The following PITPNM2 variants were observed in gnomAD, a reference collection of about 807,000 sequenced individuals.
PITPNM2 encodes the protein phosphatidylinositol transfer protein membrane associated 2.
In PITPNM2, 35 loss-of-function variants were observed where a neutral mutation model predicts 132.2. The observed-to-expected ratio is 0.26, with a 90% CI of 0.20 to 0.35. The LOEUF is 0.35. Ranked by LOEUF, PITPNM2 falls within the 10% of genes least tolerant of loss-of-function variation. PITPNM2 has a pLI of 1.00. For missense variants in PITPNM2, 1,332 were observed against 1,912.0 expected, an observed-to-expected ratio of 0.70 and a Z score of 5.66; for synonymous variants, 738 against 799.2, an observed-to-expected ratio of 0.92 and a Z score of 1.29.
Position 123,004,628 on chromosome 12 carries a change from C to T in PITPNM2, c.953-139G>A, listed in dbSNP as rs929137454. On this transcript the variant is annotated intron_variant, in intron 7 of 25. Transcript: ENST00000320201. The surrounding 1 kb of genome is among the most constrained non-coding windows in gnomAD (Gnocchi z 4.9). ...GCTGCCACAGGAGCCAGGAAGGTTC[C>T]GAAGAGAATGAAGTGTGTAAATGAG... 7.9e-6 allele frequency: 6 copies of T among 761,298 alleles called. No homozygotes were observed. The highest frequency in any genetic ancestry group is 1.4e-5 in the Non-Finnish European group (6 of 441,908). The allele number at this position is 761,298 out of a possible 1,614,324, so 47.2% of individuals were successfully genotyped here.
In PITPNM2 at chr12:123,099,183, G is replaced by A. The variant is rs906996594; in HGVS notation, c.-96+11202C>T. Among the ~76,000 whole-genome samples, 1 of 151,984 alleles carries A rather than the reference G, an allele frequency of 6.6e-6. No homozygotes were observed. Among genetic ancestry groups the A allele is most frequent in the Non-Finnish European group, 1.5e-5 (1 of 68,000 alleles). On this transcript the variant is annotated intron_variant, in intron 2 of 25. Transcript: ENST00000320201. The surrounding 1 kb of genome is among the most constrained non-coding windows in gnomAD (Gnocchi z 4.2). ...GGCACAGCAAGCACCTGCCAGATAA[G>A]GGAGGCAACTGATTCCCTCCTTCAC...
chr12:123,032,724 T>C (rs2040136863), intron 3 of PITPNM2, among the ~76,000 whole-genome samples: 1 of 152,100 alleles, frequency 6.6e-6, no homozygotes, highest in South Asian at 2.1e-4. Flanking sequence ...ATCAGCCTGG[T>C]CCTTGAACAC....
intron 2 of PITPNM2, chr12:123,089,995 T>C (rs558541326): frequency 1.3e-5 from 2 of 152,360 alleles, no homozygotes; most frequent in East Asian, 3.9e-4. Context: ...GTATTATTCT[T>C]GGAGTTATCT....
At chr12:123,129,538 C>G (rs2043217941) in intron 1 of PITPNM2, among the ~76,000 whole-genome samples, 1 of 151,994 alleles carries the variant, frequency 6.6e-6, no homozygotes, top group South Asian at 2.1e-4. Flanking sequence ...CCACTGCACT[C>G]CAGCCTGGGC....
intron 2 of PITPNM2, among the ~76,000 whole-genome samples, chr12:123,073,288 A>C (rs2041669775): frequency 1.3e-5 from 2 of 152,178 alleles, no homozygotes; most frequent in African/African-American, 4.8e-5. Flanking sequence ...TACACTACCC[A>C]AAAGCAGCAA....
intron 8 of PITPNM2, among the ~76,000 whole-genome samples, chr12:123,001,765 T>G (rs1488009952): frequency 6.6e-6 from 1 of 151,880 alleles, no homozygotes; most frequent in African/African-American, 2.4e-5. Flanking sequence ...GCATGGTGGC[T>G]CATGCCTGTA....
rs1477971233 is a variant in PITPNM2 at position 122,993,693 on chromosome 12, G to C, written c.2234-1024C>G. Reference sequence around the variant, plus strand: ...TGTCCCTAAGTCTCCATGCACCTGTGTGGGACTCTGTGGGGCTGTTCAGAG... The same window carrying C: ...TGTCCCTAAGTCTCCATGCACCTGTCTGGGACTCTGTGGGGCTGTTCAGAG... On this transcript the variant is annotated intron_variant, in intron 15 of 25. Coordinates refer to ENST00000320201, the MANE Select transcript of PITPNM2 (RefSeq NM_020845.3). The surrounding 1 kb of genome is among the most constrained non-coding windows in gnomAD (Gnocchi z 5.2). 6.6e-6 allele frequency among the ~76,000 whole-genome samples: 1 copy of C among 152,188 alleles called. No homozygotes were observed. The highest frequency in any genetic ancestry group is 1.5e-5 in the Non-Finnish European group (1 of 68,040).
chr12:123,085,449 A>C (rs1359072662), intron 2 of PITPNM2, among the ~76,000 whole-genome samples: 1 of 152,218 alleles, frequency 6.6e-6, no homozygotes, highest in Non-Finnish European at 1.5e-5. Flanking sequence ...TGTTCCTATG[A>C]AACATCTAGA....
chr12:123,039,088 G>A (rs1276249358), intron 2 of PITPNM2, among the ~76,000 whole-genome samples: 1 of 151,796 alleles, frequency 6.6e-6, no homozygotes, highest in Non-Finnish European at 1.5e-5. Context: ...CCCCAGGGCA[G>A]GAACATGGGG....
Position 123,001,051 on chromosome 12 carries a change from G to T in PITPNM2, c.1153+3C>A. 6.2e-7 allele frequency: 1 copy of T among 1,613,390 alleles called. No individual in the cohort carries two copies. The highest frequency in any genetic ancestry group is 1.1e-5 in the South Asian group (1 of 91,056). On this transcript the variant is annotated splice_donor_region_variant and intron_variant, in intron 9 of 25. Coordinates refer to ENST00000320201, the MANE Select transcript of PITPNM2 (RefSeq NM_020845.3). ...GCTCTGCAGCACCCCCAGACCTGCT[G>T]ACCTTGTGTGTCTTCCGGCTCTGGG...
Position 122,985,802 on chromosome 12 carries a change from C to G in PITPNM2, c.*225G>C, listed in dbSNP as rs1360314662. 1 of 437,258 alleles carries G rather than the reference C, an allele frequency of 2.3e-6. No homozygotes were observed. The highest frequency in any genetic ancestry group is 3.9e-6 in the Non-Finnish European group (1 of 253,492). 27.1% of individuals were successfully genotyped at this position (437,258 alleles called of 1,614,324 possible). ...TGGGAGGTTCTGGTCCCTCTGCCAT[C>G]CTGGGGCTGGTGGTCCCTGCCAGCT... On this transcript the variant is annotated 3_prime_UTR_variant, in exon 26 of 26. Transcript: ENST00000320201.
At chr12:123,040,228 G>A (rs1468032346) in intron 2 of PITPNM2, among the ~76,000 whole-genome samples, 1 of 152,182 alleles carries the variant, frequency 6.6e-6, no homozygotes, top group Non-Finnish European at 1.5e-5. Context: ...CAGGGGCTGG[G>A]GTTGGAGGAA....
Position 123,083,897 on chromosome 12 carries a change from ACTC to A in PITPNM2, c.-96+26485_-96+26487del. 6.6e-6 allele frequency: 1 copy of A among 151,362 alleles called. No homozygotes were observed. Among genetic ancestry groups the A allele is most frequent in the South Asian group, 2.1e-4 (1 of 4,778 alleles). 9.4% of individuals were successfully genotyped at this position (151,362 alleles called of 1,614,324 possible). On this transcript the variant is annotated intron_variant, in intron 2 of 25. Transcript: ENST00000320201. The surrounding 1 kb of genome is among the most constrained non-coding windows in gnomAD (Gnocchi z 4.5). ...ATTTATAGCCTCCCTCTCTCTGAAA[ACTC>A]CTTCACCCATTTTTCTGAGCTTAAC...
intron 3 of PITPNM2, 51 bp downstream of exon 3, chr12:123,034,462 G>C (rs774377871): frequency 1.2e-5 from 18 of 1,544,292 alleles, no homozygotes; most frequent in Non-Finnish European, 1.4e-5. Flanking sequence ...GTGTCTGTGC[G>C]CTGGCGCGAC....
chr12:123,123,252 T>C (rs2043066411), intron 1 of PITPNM2, among the ~76,000 whole-genome samples: 1 of 152,206 alleles, frequency 6.6e-6, no homozygotes, highest in Non-Finnish European at 1.5e-5. Flanking sequence ...CTGCAGGATT[T>C]ATGTATTGTG....
chr12:123,144,576 T>A (rs193032124), intron 1 of PITPNM2, among the ~76,000 whole-genome samples: 1 of 152,300 alleles, frequency 6.6e-6, no homozygotes, highest in East Asian at 1.9e-4. Context: ...GGATTACAGA[T>A]GGACACCACC....
chr12:122,988,852 G>A lies in PITPNM2; in HGVS notation c.2752C>T (p.Gln918Ter). 1 of 1,572,438 alleles carries A rather than the reference G, an allele frequency of 6.4e-7. No individual in the cohort carries two copies. The highest frequency in any genetic ancestry group is 8.6e-7 in the Non-Finnish European group (1 of 1,158,632). The change falls in exon 19 of 26, where the codon CAG becomes TAG. Residue 918 changes from glutamine to a stop codon, truncating the protein, a stop_gained. Transcript: ENST00000320201. LOFTEE classifies it high-confidence loss of function. ...IGEVAAKWWG[Q>*]KRIDYALYCP... ...TACAGGGCGTAGTCGATCCGCTTCT[G>A]GCCCCACCACTTTGCAGCGACTGCC...
chr12:123,151,282 C>T (rs1487867905), upstream of PITPNM2, among the ~76,000 whole-genome samples: 1 of 151,392 alleles, frequency 6.6e-6, no homozygotes, highest in Admixed American at 6.6e-5. Context: ...CCGCGGCGAC[C>T]CCGCTCCTCC....
chr12:123,089,317 G>A (rs1173165083), intron 2 of PITPNM2: 1 of 152,118 alleles, frequency 6.6e-6, no homozygotes, highest in African/African-American at 2.4e-5. Flanking sequence ...TTCCTGATAT[G>A]AGCAAGGAGG....
Sources: allele counts gnomAD v4.1 joint callset (sites outside exome capture counted in the v4.1 genomes callset), GRCh38; gene constraint gnomAD v4.1.1; non-coding constraint Gnocchi (gnomAD v3.1); transcripts MANE v1.5; gene names NCBI Gene and HGNC (gene_info 2026-07-23, HGNC 2026-07-21).